Variants in CALD1 observed in about 807,000 individuals in gnomAD.
CALD1 encodes the protein caldesmon.
A neutral mutation model predicts 99.9 loss-of-function variants in CALD1; 33 were observed. The observed-to-expected ratio is 0.33, with a 90% CI of 0.25 to 0.44. CALD1 has a LOEUF of 0.44. Among genes scored for constraint, CALD1 ranks in the 20% least tolerant of loss-of-function variants. The probability of loss-of-function intolerance (pLI) is 1.00; values close to 1 mark genes in which losing one functional copy is unlikely to be tolerated. For missense variants in CALD1, 861 were observed against 962.1 expected (o/e 0.89, Z 1.39); for synonymous variants, 310 against 325.0 (o/e 0.95, Z 0.50).
chr7:134,778,544 A>G (rs1383710838), upstream of CALD1, among the ~76,000 whole-genome samples: 1 of 152,202 alleles, frequency 6.6e-6, no homozygotes, highest in Non-Finnish European at 1.5e-5. Flanking sequence ...AAAAAAGGGG[A>G]TTTCAATTTT....
chr7:134,926,970 T>C (rs1805070626), intron 3 of CALD1, among the ~76,000 whole-genome samples: 1 of 152,206 alleles, frequency 6.6e-6, no homozygotes, highest in African/African-American at 2.4e-5. Context: ...AATGTTTACA[T>C]ATCTGGGTTT....
intron 1 of CALD1, among the ~76,000 whole-genome samples, chr7:134,810,493 C>T (rs1798311674): frequency 6.6e-6 from 1 of 152,154 alleles, no homozygotes; most frequent in African/African-American, 2.4e-5. Flanking sequence ...TATCCTCCTG[C>T]CTAGCACCCT....
At chr7:134,872,579 C>T (rs1410940088) in intron 3 of CALD1, among the ~76,000 whole-genome samples, 63 of 151,962 alleles carry the variant, frequency 4.1e-4, no homozygotes, top group Admixed American at 1.4e-3. Context: ...GATACTATAC[C>T]GAACCATAGG....
chr7:134,726,134 C>A, the CALD1 span, among the ~76,000 whole-genome samples: 1 of 151,788 alleles, frequency 6.6e-6, no homozygotes, highest in Non-Finnish European at 1.5e-5. Context: ...TTATTCAGCA[C>A]CTAACAAGAT....
At chr7:134,953,234 G>T (rs1353188543) in intron 9 of CALD1, among the ~76,000 whole-genome samples, 1 of 152,062 alleles carries the variant, frequency 6.6e-6, no homozygotes, top group African/African-American at 2.4e-5. Flanking sequence ...ATGCCAGCAC[G>T]TTGGGAGGCT....
rs142504093 is a variant in CALD1, at chr7:134,759,467, G to A, written c.-130+15104G>A. Reference sequence around the variant, plus strand: ...AGCTGGACACAGATACGGAGGAACAGTGCTCAAGGCAGAGAGAACAGCATG... The same window carrying A: ...AGCTGGACACAGATACGGAGGAACAATGCTCAAGGCAGAGAGAACAGCATG... On this transcript the variant is annotated intron_variant, in intron 1 of 13. Transcript: ENST00000417172. 3.3e-5 allele frequency among the ~76,000 whole-genome samples: 5 copies of A among 152,324 alleles called. No individual in the cohort carries two copies. The East Asian group carries it at 9.7e-4, about 29-fold the overall frequency.
At chr7:134,766,141 CTTTTTTTTTTTTTTTT>C (rs71172475) in intron 1 of CALD1, among the ~76,000 whole-genome samples, 15 of 70,808 alleles carry the variant, frequency 2.1e-4, no homozygotes, top group Admixed American at 8.4e-4. Flanking sequence ...CTTTTCTTTT[CTTTTTTTTTTTTTTTT>C]TTTTTTTTTT....
chr7:134,741,320 A>G (rs756955737), upstream of CALD1, among the ~76,000 whole-genome samples: 2 of 152,160 alleles, frequency 1.3e-5, no homozygotes, highest in Non-Finnish European at 2.9e-5. Context: ...TTATAAAACT[A>G]TCGGATCTTG....
At chr7:134,932,882 T>C (rs1805635724) in intron 4 of CALD1, 106 bp from the exon 5 acceptor site, 2 of 703,726 alleles carry the variant, frequency 2.8e-6, no homozygotes, top group Middle Eastern at 6.0e-4. Flanking sequence ...TGGGCAAGCT[T>C]GGCACTACTG....
intron 1 of CALD1, among the ~76,000 whole-genome samples, chr7:134,832,702 A>G (rs1799279528): frequency 6.6e-6 from 1 of 152,162 alleles, no homozygotes; most frequent in African/African-American, 2.4e-5. Context: ...AGCGGGAGAA[A>G]TACACTCGCA....
intron 9 of CALD1, among the ~76,000 whole-genome samples, chr7:134,952,796 C>T (rs1807461077): frequency 2.0e-5 from 3 of 152,192 alleles, no homozygotes; most frequent in African/African-American, 7.2e-5. Context: ...GGTCTAGGTC[C>T]CAGTCATATT....
chr7:134,769,184 T>A (rs1796855834), intron 1 of CALD1, among the ~76,000 whole-genome samples: 1 of 152,122 alleles, frequency 6.6e-6, no homozygotes, highest in Non-Finnish European at 1.5e-5. Context: ...TTTTTAACAA[T>A]GTTTTTACTA....
chr7:134,818,480 G>C (rs977528003), intron 1 of CALD1, among the ~76,000 whole-genome samples: 1 of 152,094 alleles, frequency 6.6e-6, no homozygotes, highest in Non-Finnish European at 1.5e-5. Flanking sequence ...TGTTTTTGAA[G>C]GGTTCAGTGT....
At chr7:134,878,425 C>T (rs1041511595) in intron 3 of CALD1, among the ~76,000 whole-genome samples, 22 of 151,838 alleles carry the variant, frequency 1.4e-4, no homozygotes, top group South Asian at 6.2e-4. Context: ...AAAAATTAGC[C>T]GGGCATAGTA....
chr7:134,721,363 G>A, the CALD1 span, among the ~76,000 whole-genome samples: 1 of 148,474 alleles, frequency 6.7e-6, no homozygotes, highest in Non-Finnish European at 1.5e-5. Flanking sequence ...GGTACTTCAT[G>A]ACCCTGGAGT....
intron 3 of CALD1, among the ~76,000 whole-genome samples, chr7:134,901,394 A>G (rs796177164): frequency 1.8e-4 from 27 of 152,222 alleles, no homozygotes; most frequent in African/African-American, 6.5e-4. Flanking sequence ...TGGCTAGCAC[A>G]GTGCCTGGTG....
rs1263317473 is a variant in CALD1, at chr7:134,877,575, G to C, written c.71+9771G>C. 7.2e-5 allele frequency among the ~76,000 whole-genome samples: 11 copies of C among 152,112 alleles called. 1 individual carries two copies. Among genetic ancestry groups the C allele is most frequent in the Admixed American group, 7.2e-4 (11 of 15,270 alleles). On this transcript the variant is annotated intron_variant, in intron 3 of 14. Coordinates refer to ENST00000361675, the MANE Select transcript of CALD1 (RefSeq NM_033138.4). ...TCAACCAACCCAGATCAAAAATGTA[G>C]TTAGGCCTACAATGGTTGCATCTGT... is the stretch of plus-strand genomic sequence containing the variant.
At chr7:134,881,809 A>AG (rs1329121951) in intron 3 of CALD1, among the ~76,000 whole-genome samples, 1 of 152,210 alleles carries the variant, frequency 6.6e-6, no homozygotes, top group Non-Finnish European at 1.5e-5. Context: ...GAGAGGGCTT[A>AG]GGACCTCAAT....
chr7:134,757,106 C>CTT (rs34569036), intron 1 of CALD1, among the ~76,000 whole-genome samples: 62,780 of 150,212 alleles, frequency 0.42, 13,967 homozygotes, highest in East Asian at 0.72. Context: ...TTTTCTTGGG[C>CTT]TTTTTTTTTA....
Sources: allele counts gnomAD v4.1 joint callset (sites outside exome capture counted in the v4.1 genomes callset), GRCh38; gene constraint gnomAD v4.1.1; transcripts MANE v1.5; gene names NCBI Gene and HGNC (gene_info 2026-07-23, HGNC 2026-07-21).